STK32A: variants seen among roughly 807,000 people sequenced by gnomAD.
STK32A encodes the protein serine/threonine-protein kinase 32A.
Under a neutral mutation model 53.2 loss-of-function variants are expected in STK32A, and 41 were observed. The observed-to-expected ratio is 0.77, with a 90% CI of 0.60 to 1.00. The LOEUF (loss-of-function observed/expected upper bound fraction) is 1.00. Ranked by LOEUF, STK32A falls within the 50% of genes least tolerant of loss-of-function variation. The pLI, the probability that STK32A is intolerant of heterozygous loss-of-function variation, is 0.00. For missense variants in STK32A, 458 were observed against 485.8 expected (o/e 0.94, Z 0.54); for synonymous variants, 166 against 162.8 (o/e 1.02, Z -0.15).
At chr5:147,262,518 A>C (rs1754623869) in intron 2 of STK32A, among the ~76,000 whole-genome samples, 1 of 152,082 alleles carries the variant, frequency 6.6e-6, no homozygotes, top group Admixed American at 6.5e-5. Context: ...AATATATGCT[A>C]TCTCATTTAA....
intron 11 of STK32A, among the ~76,000 whole-genome samples, chr5:147,382,210 C>T (rs113008464): frequency 0.01 from 1,532 of 152,232 alleles, 33 homozygotes; most frequent in African/African-American, 0.035. Flanking sequence ...TCAATTTTGC[C>T]GTTGAAACCC....
At chr5:147,350,194 A>T (rs1414453020) in intron 6 of STK32A, among the ~76,000 whole-genome samples, 2 of 134,862 alleles carry the variant, frequency 1.5e-5, no homozygotes, top group Non-Finnish European at 3.2e-5. Context: ...TCCCTTGATA[A>T]CAGTTATTTT....
At position 147,386,347 on chromosome 5, in the gene STK32A, T is replaced by C. The variant is rs1757642705; in HGVS notation, c.*2364T>C. The C allele has an allele frequency of 6.6e-6, 1 of 152,244 alleles. No homozygotes were observed. The highest frequency in any genetic ancestry group is 2.4e-5 in the African/African-American group (1 of 41,472). 9.4% of individuals were successfully genotyped at this position (152,244 alleles called of 1,614,324 possible). On this transcript the variant is annotated 3_prime_UTR_variant, in exon 13 of 13. Coordinates refer to ENST00000397936, the MANE Select transcript of STK32A (RefSeq NM_001112724.2). ...CAGGGACTACTTGCATGTTTACTTC[T>C]ATCCTTCATTTGTTTTGATTCAAGC...
At chr5:147,314,798 G>T (rs1461125707) in intron 4 of STK32A, among the ~76,000 whole-genome samples, 1 of 149,260 alleles carries the variant, frequency 6.7e-6, no homozygotes, top group East Asian at 2.0e-4. Context: ...AGTGCAGTGT[G>T]TGTGATCATG....
the STK32A span, among the ~76,000 whole-genome samples, chr5:147,401,376 G>A: frequency 1.3e-5 from 2 of 152,194 alleles, no homozygotes; most frequent in Non-Finnish European, 2.9e-5. Flanking sequence ...GGATGGGGAA[G>A]AGCCTGCTTT....
At chr5:147,350,849 C>A (rs550741851) in intron 6 of STK32A, among the ~76,000 whole-genome samples, 7 of 152,256 alleles carry the variant, frequency 4.6e-5, no homozygotes, top group South Asian at 2.1e-4. Context: ...AAGGGTAAAA[C>A]TTTCTGAGGC....
chr5:147,344,040 A>T (rs1295317738), intron 6 of STK32A, among the ~76,000 whole-genome samples: 1 of 152,184 alleles, frequency 6.6e-6, no homozygotes, highest in Non-Finnish European at 1.5e-5. Flanking sequence ...ATCAGGGAAG[A>T]TCTGCAGGGC....
At chr5:147,372,693 G>A (rs72833310) in intron 9 of STK32A, among the ~76,000 whole-genome samples, 8 of 152,072 alleles carry the variant, frequency 5.3e-5, no homozygotes, top group East Asian at 1.9e-4. Flanking sequence ...TATCTATGCC[G>A]CCCCCAATGT....
intron 7 of STK32A, 47 bp from the exon 8 acceptor site, chr5:147,361,470 C>CT: frequency 8.1e-7 from 1 of 1,227,864 alleles, no homozygotes; most frequent in Non-Finnish European, 1.2e-6. Flanking sequence ...AAATATAATA[C>CT]TAATGTCTCA....
At chr5:147,360,224 T>C (rs557940521) in intron 7 of STK32A, among the ~76,000 whole-genome samples, 2 of 151,630 alleles carry the variant, frequency 1.3e-5, no homozygotes, top group African/African-American at 4.8e-5. Context: ...CCAAAGCAGG[T>C]GGATCACCTA....
intron 11 of STK32A, among the ~76,000 whole-genome samples, chr5:147,378,314 C>T (rs1381047033): frequency 4.6e-5 from 7 of 152,044 alleles, no homozygotes; most frequent in Admixed American, 4.6e-4. Context: ...CAGGAAAGGA[C>T]AAGAGCATTT....
chr5:147,273,569 T>C (rs1197012950), intron 2 of STK32A, among the ~76,000 whole-genome samples: 1 of 152,228 alleles, frequency 6.6e-6, no homozygotes, highest in Non-Finnish European at 1.5e-5. Flanking sequence ...TAACTTTCCA[T>C]GTGACTATAA....
intron 4 of STK32A, among the ~76,000 whole-genome samples, chr5:147,314,667 C>T: frequency 6.6e-6 from 1 of 150,980 alleles, no homozygotes; most frequent in East Asian, 1.9e-4. Context: ...AGATCCTGAG[C>T]ATTACTAAAC....
intron 2 of STK32A, among the ~76,000 whole-genome samples, chr5:147,249,256 G>T (rs1469511300): frequency 6.6e-6 from 1 of 151,964 alleles, no homozygotes; most frequent in Non-Finnish European, 1.5e-5. Context: ...TTACCTCTCT[G>T]ATCCCCCATT....
At chr5:147,270,098 A>T (rs376228920) in intron 2 of STK32A, among the ~76,000 whole-genome samples, 1 of 152,242 alleles carries the variant, frequency 6.6e-6, no homozygotes, top group African/African-American at 2.4e-5. Flanking sequence ...TTTAAATAGA[A>T]ATACATCATT....
At chr5:147,284,543 T>C (rs1752226295) in intron 4 of STK32A, among the ~76,000 whole-genome samples, 2 of 151,948 alleles carry the variant, frequency 1.3e-5, no homozygotes, top group African/African-American at 2.4e-5. Context: ...CTAGAACTGA[T>C]AAAAGAATTC....
chr5:147,293,606 A>C (rs971190430), intron 4 of STK32A, among the ~76,000 whole-genome samples: 1 of 151,914 alleles, frequency 6.6e-6, no homozygotes, highest in Non-Finnish European at 1.5e-5. Context: ...GTAAAATAAT[A>C]GTCATTTATT....
At chr5:147,236,295 A>C (rs1230961358) in intron 1 of STK32A, among the ~76,000 whole-genome samples, 4 of 152,156 alleles carry the variant, frequency 2.6e-5, no homozygotes, top group African/African-American at 9.7e-5. Flanking sequence ...CTGCAAGACA[A>C]ATTTCTCCTC....
intron 4 of STK32A, among the ~76,000 whole-genome samples, chr5:147,292,801 T>C (rs11952389): frequency 0.33 from 50,728 of 151,876 alleles, 8,856 homozygotes; most frequent in South Asian, 0.6. Context: ...GTGGAGGTTG[T>C]GTTGAGCTGA....
Sources: allele counts gnomAD v4.1 joint callset (sites outside exome capture counted in the v4.1 genomes callset), GRCh38; gene constraint gnomAD v4.1.1; transcripts MANE v1.5; gene names NCBI Gene and HGNC (gene_info 2026-07-23, HGNC 2026-07-21).